Variants in NUP107 observed in about 807,000 individuals in gnomAD.
The protein encoded by NUP107 is nucleoporin 107, also known as nuclear pore complex protein Nup107.
Under a neutral mutation model 141.0 loss-of-function variants are expected in NUP107, and 101 were observed. That is an observed-to-expected ratio of 0.72 (90% CI 0.61 to 0.84). The LOEUF (loss-of-function observed/expected upper bound fraction) is 0.84. Among genes scored for constraint, NUP107 ranks in the 40% least tolerant of loss-of-function variants. The pLI is 0.00. For missense variants in NUP107, 941 were observed against 1,102.7 expected (o/e 0.85, Z 2.08); for synonymous variants, 319 against 363.9 (o/e 0.88, Z 1.41).
At chr12:68,689,170 CTT>C in intron 2 of NUP107, 117 bp downstream of exon 2, 1 of 654,742 alleles carries the variant, frequency 1.5e-6, no homozygotes, top group Non-Finnish European at 2.5e-6. Flanking sequence ...CCTGTAGAAA[CTT>C]TTTTTCACTC....
intron 26 of NUP107, among the ~76,000 whole-genome samples, chr12:68,739,556 G>T (rs891949812): frequency 6.6e-6 from 1 of 152,122 alleles, no homozygotes; most frequent in African/African-American, 2.4e-5. Context: ...GGCACTACAT[G>T]GGGGGGCGCG....
chr12:68,727,567 G>A (rs138610433), intron 20 of NUP107, among the ~76,000 whole-genome samples, 178 bp downstream of exon 20: 9 of 151,852 alleles, frequency 5.9e-5, no homozygotes, highest in African/African-American at 2.2e-4. Flanking sequence ...AACCCCCACC[G>A]CCCCGCACAA....
chr12:68,722,466 A>G (rs1877395950), intron 17 of NUP107, among the ~76,000 whole-genome samples: 1 of 152,134 alleles, frequency 6.6e-6, no homozygotes, highest in Non-Finnish European at 1.5e-5. Flanking sequence ...TCTAAAAATT[A>G]TATTCTTTTA....
chr12:68,690,568 A>G (rs529080329), intron 3 of NUP107, 63 bp from the exon 4 acceptor site: 4 of 1,605,500 alleles, frequency 2.5e-6, no homozygotes, highest in South Asian at 2.2e-5. Context: ...TTGTTTGCTT[A>G]CTTTGTTTTG....
In NUP107 at chr12:68,701,014, A is replaced by G. The variant is rs769568650; in HGVS notation, c.680+161A>G. 3.3e-5 allele frequency among the ~76,000 whole-genome samples: 5 copies of G among 152,196 alleles called. No individual in the cohort carries two copies. The South Asian group carries it at 6.2e-4, about 19-fold the overall frequency. ...AGTTGTCAAGAGTGAGTCAAGAGGG[A>G]AGAGGAAGATATCAGATCATAAGGC... On this transcript the variant is annotated intron_variant, in intron 7 of 27. Coordinates refer to ENST00000229179, the MANE Select transcript of NUP107 (RefSeq NM_020401.4).
chr12:68,695,669 G>A (rs771104481), intron 5 of NUP107, among the ~76,000 whole-genome samples: 8 of 152,174 alleles, frequency 5.3e-5, no homozygotes, highest in Non-Finnish European at 8.8e-5. Flanking sequence ...AGTATTACAA[G>A]ATGAAATAGT....
At chr12:68,714,609 CAT>C (rs1486387583) in intron 11 of NUP107, among the ~76,000 whole-genome samples, 9 of 152,176 alleles carry the variant, frequency 5.9e-5, no homozygotes, top group African/African-American at 1.9e-4. Flanking sequence ...CACTAAGTAA[CAT>C]GTGGAGTAAG....
intron 7 of NUP107, among the ~76,000 whole-genome samples, chr12:68,701,627 C>T (rs544630166): frequency 6.6e-5 from 10 of 150,914 alleles, no homozygotes; most frequent in African/African-American, 1.2e-4. Flanking sequence ...GGTTGCGAGC[C>T]GAGATTGTGC....
intron 12 of NUP107, 61 bp downstream of exon 12, chr12:68,715,801 G>T: frequency 1.9e-6 from 2 of 1,045,966 alleles, no homozygotes; most frequent in Non-Finnish European, 2.9e-6. Flanking sequence ...TGAGTTGGAA[G>T]AGATTTTTGT....
chr12:68,738,779 C>G (rs567050407), intron 26 of NUP107, among the ~76,000 whole-genome samples: 1 of 152,272 alleles, frequency 6.6e-6, no homozygotes, highest in South Asian at 2.1e-4. Flanking sequence ...TAGTCCAAGC[C>G]TCTACTGTCT....
intron 1 of NUP107, among the ~76,000 whole-genome samples, chr12:68,688,220 C>A (rs548405777): frequency 8.3e-4 from 125 of 151,372 alleles, no homozygotes; most frequent in Non-Finnish European, 1.5e-3. Context: ...AATTGTTAAA[C>A]GTTTAAAATT....
intron 23 of NUP107, 118 bp downstream of exon 23, chr12:68,732,857 A>T (rs572169456): frequency 1.7e-4 from 99 of 574,054 alleles, no homozygotes; most frequent in African/African-American, 1.5e-3. Context: ...TTTTTAAAAA[A>T]TTTTTTCTAG....
intron 5 of NUP107, among the ~76,000 whole-genome samples, chr12:68,696,451 G>A (rs990924250): frequency 4.6e-5 from 7 of 151,974 alleles, no homozygotes; most frequent in African/African-American, 1.7e-4. Flanking sequence ...GGTGGCTCAC[G>A]CCTGTAATGC....
Position 68,715,638 on chromosome 12 carries a change from TC to T in NUP107, c.984del (p.Ile329Ter). The T allele has an allele frequency of 1.2e-6, 2 of 1,606,984 alleles. No individual in the cohort carries two copies. The highest frequency in any genetic ancestry group is 1.7e-6 in the Non-Finnish European group (2 of 1,173,710). Reference sequence around the variant, plus strand: ...TTTTCTTCTTACAGGACCCTGATGCTCCCATAAGACAGAAAATGCCCCTTGA... The same window carrying T: ...TTTTCTTCTTACAGGACCCTGATGCTCCATAAGACAGAAAATGCCCCTTGA... ...PLVTELDPDAPIRQKMPLDDL... is the reference protein window; with the variant it reads ...PLVTELDPDAXIRQKMPLDDL... On this transcript the variant is annotated frameshift_variant, in exon 12 of 28. Coordinates refer to ENST00000229179, the MANE Select transcript of NUP107 (RefSeq NM_020401.4). LOFTEE classifies it high-confidence loss of function.
intron 20 of NUP107, among the ~76,000 whole-genome samples, chr12:68,730,445 C>G (rs924862072): frequency 2.6e-5 from 4 of 152,000 alleles, no homozygotes; most frequent in African/African-American, 7.2e-5. Flanking sequence ...TCTTGAACTC[C>G]TGGCCTTAGG....
rs748319760 is a variant in NUP107 at position 68,732,682 on chromosome 12, C to T, written c.2044C>T (p.Pro682Ser). ...IDVIDWLVFDPAQRAEALKQG... is the reference protein window; with the variant it reads ...IDVIDWLVFDSAQRAEALKQG... Reference sequence around the variant, plus strand: ...TGTAATTGACTGGTTGGTATTTGACCCAGCGCAGAGGGCAGAAGCACTGAA... The same window carrying T: ...TGTAATTGACTGGTTGGTATTTGACTCAGCGCAGAGGGCAGAAGCACTGAA... The change falls in exon 23 of 28, where the codon CCA (proline) becomes TCA (serine). Residue 682 changes from proline (P) to serine (S), a missense_variant. Pro to Ser is a moderately conservative substitution (Grantham distance 74). Coordinates refer to ENST00000229179, the MANE Select transcript of NUP107 (RefSeq NM_020401.4). The T allele has an allele frequency of 6.2e-7, 1 of 1,608,402 alleles. No individual in the cohort carries two copies. The highest frequency in any genetic ancestry group is 8.5e-7 in the Non-Finnish European group (1 of 1,176,084).
chr12:68,715,826 C>G (rs1877079691), intron 12 of NUP107, 86 bp downstream of exon 12: 3 of 716,026 alleles, frequency 4.2e-6, no homozygotes, highest in Non-Finnish European at 7.2e-6. Context: ...GCCTAGTAAG[C>G]CTTCTTAATG....
intron 17 of NUP107, 99 bp from the exon 18 acceptor site, chr12:68,725,628 A>G: frequency 3.0e-6 from 2 of 658,194 alleles, no homozygotes; most frequent in South Asian, 1.7e-5. Context: ...TTCTTTCTAT[A>G]TGTTCCTTCA....
At position 68,731,736 on chromosome 12, in the gene NUP107, G is replaced by A. The variant is rs756763347; in HGVS notation, c.1998+17G>A. On this transcript the variant is annotated intron_variant, in intron 22 of 27. Transcript: ENST00000229179. ...ACTACTGAGGTAATTTGGGATGGGG[G>A]GGCAGAGGTTTCTATAACTTCTAAT... is the stretch of plus-strand genomic sequence containing the variant. The A allele has an allele frequency of 2.3e-6, 3 of 1,309,576 alleles. No homozygotes were observed. The highest frequency in any genetic ancestry group is 2.7e-5 in the South Asian group (2 of 73,400). The allele number at this position is 1,309,576 out of a possible 1,614,324, so 81.1% of individuals were successfully genotyped here.
Sources: allele counts gnomAD v4.1 joint callset (sites outside exome capture counted in the v4.1 genomes callset), GRCh38; gene constraint gnomAD v4.1.1; transcripts MANE v1.5; gene names NCBI Gene and HGNC (gene_info 2026-07-23, HGNC 2026-07-21).